The following TNFRSF17 variants were observed in gnomAD, a reference collection of about 807,000 sequenced individuals.
TNFRSF17 encodes tumor necrosis factor receptor superfamily member 17.
In TNFRSF17, 13 loss-of-function variants were observed where a neutral mutation model predicts 9.9. The observed-to-expected ratio is 1.31, with a 90% CI of 0.85 to 2.08. The LOEUF (loss-of-function observed/expected upper bound fraction) is 2.08. Ranked by LOEUF, TNFRSF17 falls within the 30% of genes most tolerant of loss-of-function variation. TNFRSF17 has a pLI of 0.00. For missense variants in TNFRSF17, 305 were observed against 225.8 expected (o/e 1.35, Z -2.25); for synonymous variants, 99 against 83.7 (o/e 1.18, Z -1.00).
chr16:11,967,658 G>A lies in TNFRSF17; in HGVS notation c.366G>A (p.Thr122=), dbSNP rs183187632. The stretch of plus-strand genomic sequence containing the variant: ...TTCTTCCGAGAGGCCTCGAGTACAC[G>A]GTGGAAGAATGCACCTGTGAAGACT... ...EIILPRGLEY[T]VEECTCEDCI... The change falls in exon 3 of 3, where the codon ACG becomes ACA. Residue 122 remains threonine, a synonymous_variant. Coordinates refer to ENST00000053243, the MANE Select transcript of TNFRSF17 (RefSeq NM_001192.3). 6.6e-5 allele frequency: 107 copies of A among 1,614,152 alleles called. No individual in the cohort carries two copies. Among genetic ancestry groups the A allele is most frequent in the Admixed American group, 4.8e-4 (29 of 60,004 alleles).
rs2055207461 is a variant in TNFRSF17 at position 11,967,778 on chromosome 16, T to C, written c.486T>C (p.Asn162=). The part of the protein sequence containing the change: ...GATILVTTKT[N]DYCKSLPAAL... ...CCATTCTTGTCACCACGAAAACGAA[T>C]GACTATTGCAAGAGCCTGCCAGCTG... Residue 162 remains asparagine (N), a synonymous_variant, in exon 3 of 3, where the codon AAT becomes AAC. Transcript: ENST00000053243. The C allele has an allele frequency of 1.2e-6, 2 of 1,614,064 alleles. No individual in the cohort carries two copies. Among genetic ancestry groups the C allele is most frequent in the South Asian group, 1.1e-5 (1 of 91,084 alleles).
chr16:11,967,820 G>T lies in TNFRSF17; in HGVS notation c.528G>T (p.Glu176Asp). 2.5e-6 allele frequency: 4 copies of T among 1,613,998 alleles called. No individual in the cohort carries two copies. The highest frequency in any genetic ancestry group is 1.1e-5 in the South Asian group (1 of 91,064). ...TGCCAGCTGCTTTGAGTGCTACGGA[G>T]ATAGAGAAATCAATTTCTGCTAGGT... ...KSLPAALSAT[E>D]IEKSISAR is the part of the protein sequence containing the mutation. The change falls in exon 3 of 3, where the codon GAG becomes GAT. Residue 176 changes from glutamate (E) to aspartate (D), a missense_variant. Transcript: ENST00000053243.
At chr16:11,966,150 A>T (rs1567479139) in intron 1 of TNFRSF17, 45 bp from the exon 2 acceptor site, 1 of 1,534,838 alleles carries the variant, frequency 6.5e-7, no homozygotes, top group Admixed American at 1.9e-5. Flanking sequence ...GTATGTGAAT[A>T]TTATGTTATC....
chr16:11,967,064 G>A lies in TNFRSF17; in HGVS notation c.278-506G>A, dbSNP rs748658659. On this transcript the variant is annotated intron_variant, in intron 2 of 2. Transcript: ENST00000053243. ...GGCCCAGGCTGGAGTGCAGTGGCGT[G>A]ATCTCAACTCACTGCAGCCTCTGCC... The A allele has an allele frequency of 9.8e-4, 218 of 221,616 alleles. 1 individual carries two copies. The highest frequency in any genetic ancestry group is 1.7e-3 in the Non-Finnish European group (177 of 107,052). 13.7% of individuals were successfully genotyped at this position (221,616 alleles called of 1,614,324 possible).
Position 11,967,768 on chromosome 16 carries a change from C to G in TNFRSF17, c.476C>G (p.Thr159Arg), listed in dbSNP as rs755751031. 6.2e-7 allele frequency: 1 copy of G among 1,614,166 alleles called. No homozygotes were observed. The highest frequency in any genetic ancestry group is 1.7e-5 in the Admixed American group (1 of 60,004). Residue 159 changes from threonine (T) to arginine (R), a missense_variant, in exon 3 of 3, where the codon ACG becomes AGG. By Grantham distance (71) the Thr-to-Arg change is moderately conservative. Transcript: ENST00000053243. ...MEEGATILVTTKTNDYCKSLP... is the reference protein window; with the variant it reads ...MEEGATILVTRKTNDYCKSLP... ...GAAGGCGCAACCATTCTTGTCACCA[C>G]GAAAACGAATGACTATTGCAAGAGC...
intron 2 of TNFRSF17, chr16:11,967,231 A>T: frequency 4.2e-6 from 1 of 240,326 alleles, no homozygotes; most frequent in Non-Finnish European, 8.2e-6. Flanking sequence ...CAAGCTCCTG[A>T]CCACAAGTGA....
chr16:11,967,438 A>G (rs1283413186), intron 2 of TNFRSF17, 132 bp from the exon 3 acceptor site: 2 of 906,032 alleles, frequency 2.2e-6, no homozygotes, highest in African/African-American at 3.3e-5. Flanking sequence ...TGGGCAACAC[A>G]GTAAGACCCC....
In TNFRSF17 at chr16:11,967,919, T is replaced by C; in HGVS notation, c.*72T>C. 1 of 1,520,754 alleles carries C rather than the reference T, an allele frequency of 6.6e-7. No individual in the cohort carries two copies. The highest frequency in any genetic ancestry group is 8.9e-7 in the Non-Finnish European group (1 of 1,127,672). The allele number at this position is 1,520,754 out of a possible 1,614,324, so 94.2% of individuals were successfully genotyped here. The stretch of plus-strand genomic sequence containing the variant: ...GAATAGATGATGTGTCAGATCTCTT[T>C]AGGATGACTGTATTTTTCAGTTGCC... On this transcript the variant is annotated 3_prime_UTR_variant, in exon 3 of 3. Coordinates refer to ENST00000053243, the MANE Select transcript of TNFRSF17 (RefSeq NM_001192.3).
rs780815996 is a variant in TNFRSF17, at chr16:11,967,693, G to A, written c.401G>A (p.Ser134Asn). 7 of 1,614,180 alleles carry A rather than the reference G, an allele frequency of 4.3e-6. No homozygotes were observed. In the South Asian group the frequency reaches 7.7e-5, roughly 18 times the overall value. The change falls in exon 3 of 3, where the codon AGC (serine) becomes AAC (asparagine). Residue 134 changes from serine (S) to asparagine (N), a missense_variant. Physicochemically the swap from Ser to Asn is conservative, Grantham distance 46. Transcript: ENST00000053243. ...EECTCEDCIK[S>N]KPKVDSDHCF... ...TGCACCTGTGAAGACTGCATCAAGA[G>A]CAAACCGAAGGTCGACTCTGACCAT... is the stretch of plus-strand genomic sequence containing the variant.
At chr16:11,966,977 CATTTATTTATTT>C (rs36230512) in intron 2 of TNFRSF17, 2,014 of 161,418 alleles carry the variant, frequency 0.012, 31 homozygotes, top group Middle Eastern at 0.051. Flanking sequence ...TTTCTGTATG[CATTTATTTATTT>C]ATTTATTTAT....
chr16:11,966,446 C>T, intron 2 of TNFRSF17, 105 bp downstream of exon 2: 1 of 1,180,242 alleles, frequency 8.5e-7, no homozygotes, highest in Non-Finnish European at 1.2e-6. Flanking sequence ...TCGTTACAGC[C>T]CTTTCGAATG....
intron 2 of TNFRSF17, 34 bp from the exon 3 acceptor site, chr16:11,967,536 G>C: frequency 2.5e-6 from 4 of 1,594,208 alleles, no homozygotes; most frequent in Non-Finnish European, 3.4e-6. Context: ...TCTCTGTGAA[G>C]TTTGGGTTAA....
rs762815421 is a variant in TNFRSF17 at position 11,967,735 on chromosome 16, C to T, written c.443C>T (p.Ala148Val). The T allele has an allele frequency of 7.4e-6, 12 of 1,614,088 alleles. No homozygotes were observed. The highest frequency in any genetic ancestry group is 6.7e-5 in the African/African-American group (5 of 74,918). Residue 148 changes from alanine to valine, a missense_variant, in exon 3 of 3, where the codon GCT (alanine) becomes GTT (valine). Coordinates refer to ENST00000053243, the MANE Select transcript of TNFRSF17 (RefSeq NM_001192.3). Reference sequence around the variant, plus strand: ...TCTGACCATTGCTTTCCACTCCCAGCTATGGAGGAAGGCGCAACCATTCTT... The same window carrying T: ...TCTGACCATTGCTTTCCACTCCCAGTTATGGAGGAAGGCGCAACCATTCTT... ...VDSDHCFPLP[A>V]MEEGATILVT...
rs987836894 is a variant in TNFRSF17 at position 11,966,421 on chromosome 16, G to A, written c.277+80G>A. On this transcript the variant is annotated intron_variant, in intron 2 of 2. Coordinates refer to ENST00000053243, the MANE Select transcript of TNFRSF17 (RefSeq NM_001192.3). ...TTTCAGTTCCTTTTCTTTTTTTAGC[G>A]TTGACTATTTCACTTCGTTACAGCC... 2.4e-5 allele frequency: 35 copies of A among 1,435,924 alleles called. 1 individual carries two copies. The African/African-American group carries it at 3.2e-4, about 13-fold the overall frequency. 88.9% of individuals were successfully genotyped at this position (1,435,924 alleles called of 1,614,324 possible). A position where few individuals can be genotyped will look rare whatever the true frequency, so the allele number is the denominator to read the frequency against.
Position 11,967,859 on chromosome 16 carries a change from G to A in TNFRSF17, c.*12G>A, listed in dbSNP as rs374545778. On this transcript the variant is annotated 3_prime_UTR_variant, in exon 3 of 3. Coordinates refer to ENST00000053243, the MANE Select transcript of TNFRSF17 (RefSeq NM_001192.3). Reference sequence around the variant, plus strand: ...TTTCTGCTAGGTAATTAACCATTTCGACTCGAGCAGTGCCACTTTAAAAAT... The same window carrying A: ...TTTCTGCTAGGTAATTAACCATTTCAACTCGAGCAGTGCCACTTTAAAAAT... 55 of 1,610,202 alleles carry A rather than the reference G, an allele frequency of 3.4e-5. No homozygotes were observed. The African/African-American group carries it at 3.6e-4, about 11-fold the overall frequency.
Position 11,966,215 on chromosome 16 carries a change from G to A in TNFRSF17, c.151G>A (p.Gly51Arg). 1.9e-6 allele frequency: 3 copies of A among 1,613,422 alleles called. No individual in the cohort carries two copies. Among genetic ancestry groups the A allele is most frequent in the Non-Finnish European group, 2.5e-6 (3 of 1,179,708 alleles). ...TAAAGGTGTGACCAATTCAGTGAAA[G>A]GAACGAATGCGATTCTCTGGACCTG... Reference protein sequence around the residue: ...CNASVTNSVKGTNAILWTCLG... With the variant: ...CNASVTNSVKRTNAILWTCLG... The change falls in exon 2 of 3, where the codon GGA (glycine) becomes AGA (arginine). Residue 51 changes from glycine to arginine, a missense_variant. Gly to Arg is a moderately radical substitution (Grantham distance 125). Transcript: ENST00000053243.
Position 11,968,010 on chromosome 16 carries a change from T to C in TNFRSF17, c.*163T>C, listed in dbSNP as rs1487763987. ...TTAGATATATTTCTCTAGGTTACTGTTGGGAGCTTAATGGTAGAAACTTCC... is the reference window on the plus strand; with the variant it reads ...TTAGATATATTTCTCTAGGTTACTGCTGGGAGCTTAATGGTAGAAACTTCC... On this transcript the variant is annotated 3_prime_UTR_variant, in exon 3 of 3. Coordinates refer to ENST00000053243, the MANE Select transcript of TNFRSF17 (RefSeq NM_001192.3). 3.8e-6 allele frequency: 3 copies of C among 785,506 alleles called. No homozygotes were observed. The highest frequency in any genetic ancestry group is 2.0e-5 in the South Asian group (1 of 49,040). 48.7% of individuals were successfully genotyped at this position (785,506 alleles called of 1,614,324 possible).
chr16:11,967,545 A>C (rs762668392), intron 2 of TNFRSF17, 25 bp from the exon 3 acceptor site: 29 of 1,599,636 alleles, frequency 1.8e-5, no homozygotes, highest in Non-Finnish European at 2.3e-5. Flanking sequence ...AGTTTGGGTT[A>C]ATGTTTCCGT....
chr16:11,966,353 G>C lies in TNFRSF17; in HGVS notation c.277+12G>C, dbSNP rs1292746571. 2 of 1,602,938 alleles carry C rather than the reference G, an allele frequency of 1.2e-6. No homozygotes were observed. The highest frequency in any genetic ancestry group is 2.7e-5 in the African/African-American group (2 of 74,276). Reference sequence around the variant, plus strand: ...GTTTAAAAACACAGGTTGGTTTGATGGTGAATCTTTGAAATCTATTTCCAG... The same window carrying C: ...GTTTAAAAACACAGGTTGGTTTGATCGTGAATCTTTGAAATCTATTTCCAG... On this transcript the variant is annotated intron_variant, in intron 2 of 2. Transcript: ENST00000053243.
Sources: gnomAD v4.1 joint callset for allele counts on GRCh38, gnomAD v4.1.1 for gene constraint, MANE v1.5 for transcripts, NCBI Gene and HGNC (gene_info 2026-07-23, HGNC 2026-07-21) for gene names.